The following DOCK5 variants were observed in gnomAD, a reference collection of about 807,000 sequenced individuals.
DOCK5 encodes the protein dedicator of cytokinesis 5, also known as dedicator of cytokinesis protein 5.
Under a neutral mutation model 251.8 loss-of-function variants are expected in DOCK5, and 142 were observed. That is an observed-to-expected ratio of 0.56 (90% CI 0.49 to 0.65). The LOEUF (loss-of-function observed/expected upper bound fraction) is 0.65, where lower values mean the gene tolerates loss of function less well. DOCK5 is among the 30% of genes least tolerant of loss of function. The pLI is 0.00. For missense variants in DOCK5, 2,111 were observed against 2,312.3 expected (o/e 0.91, Z 1.79); for synonymous variants, 842 against 835.5 (o/e 1.01, Z -0.13).
intron 17 of DOCK5, 33 bp downstream of exon 17, chr8:25,323,984 C>T: frequency 1.3e-6 from 2 of 1,557,304 alleles, no homozygotes; most frequent in Non-Finnish European, 1.7e-6. Context: ...GAGAAAAATA[C>T]TCCCTTTCAA....
intron 28 of DOCK5, among the ~76,000 whole-genome samples, chr8:25,359,732 C>T (rs1052806737): frequency 3.3e-5 from 5 of 152,218 alleles, no homozygotes; most frequent in Non-Finnish European, 5.9e-5. Flanking sequence ...CCATTCCTGC[C>T]CCCATCCGTG....
chr8:25,380,794 T>C (rs1167339806), intron 39 of DOCK5, among the ~76,000 whole-genome samples: 5 of 152,138 alleles, frequency 3.3e-5, no homozygotes, highest in African/African-American at 1.2e-4. Context: ...GAGTGCCCAG[T>C]GTTAGGCAGC....
At chr8:25,214,212 T>G (rs1172186107) in intron 1 of DOCK5, among the ~76,000 whole-genome samples, 2 of 152,158 alleles carry the variant, frequency 1.3e-5, no homozygotes, top group African/African-American at 4.8e-5. Context: ...GCTCAGCCCT[T>G]AGCAGGTTCT....
chr8:25,408,591 C>G (rs947637606), intron 49 of DOCK5, among the ~76,000 whole-genome samples: 1 of 152,150 alleles, frequency 6.6e-6, no homozygotes, highest in Non-Finnish European at 1.5e-5. Context: ...TCAGAAGAAT[C>G]AAGTCTGTGG....
intron 1 of DOCK5, among the ~76,000 whole-genome samples, chr8:25,221,670 CCATCATCAT>C (rs749679641): frequency 3.3e-5 from 5 of 151,918 alleles, no homozygotes; most frequent in Non-Finnish European, 7.4e-5. Flanking sequence ...CATCACCATC[CCATCATCAT>C]CATCATCATC....
chr8:25,285,548 T>C (rs1804310122), intron 5 of DOCK5, among the ~76,000 whole-genome samples: 1 of 152,158 alleles, frequency 6.6e-6, no homozygotes, highest in Admixed American at 6.5e-5. Flanking sequence ...TCTATAGTTC[T>C]GGAAAAATCA....
chr8:25,393,640 C>A (rs1801298360), intron 44 of DOCK5, among the ~76,000 whole-genome samples: 2 of 152,184 alleles, frequency 1.3e-5, no homozygotes, highest in South Asian at 4.1e-4. Flanking sequence ...AATTTCTGCA[C>A]CTAACTAACT....
intron 1 of DOCK5, among the ~76,000 whole-genome samples, chr8:25,204,741 G>A (rs1051558516): frequency 1.3e-5 from 2 of 152,156 alleles, no homozygotes; most frequent in Admixed American, 1.3e-4. Context: ...GACTGGCTAA[G>A]TCATACGTTA....
chr8:25,389,785 C>T (rs1307331081), intron 41 of DOCK5, among the ~76,000 whole-genome samples: 4 of 152,164 alleles, frequency 2.6e-5, no homozygotes, highest in Admixed American at 2.6e-4. Context: ...ATACCTAGCA[C>T]AGTGCCCAAC....
chr8:25,354,734 A>C (rs186750018), intron 27 of DOCK5, among the ~76,000 whole-genome samples: 67 of 152,374 alleles, frequency 4.4e-4, no homozygotes, highest in Admixed American at 8.5e-4. Context: ...TTTATTCCAG[A>C]TATTCAAGAA....
At chr8:25,333,123 G>A (rs368589182) in intron 20 of DOCK5, among the ~76,000 whole-genome samples, 3 of 152,140 alleles carry the variant, frequency 2.0e-5, no homozygotes, top group Non-Finnish European at 2.9e-5. Context: ...TGAATTTGTC[G>A]CACAAAGCAC....
At chr8:25,246,431 GC>G (rs1330760557) in intron 2 of DOCK5, among the ~76,000 whole-genome samples, 1 of 152,078 alleles carries the variant, frequency 6.6e-6, no homozygotes, top group Non-Finnish European at 1.5e-5. Context: ...CCGCCGCCAT[GC>G]CTGGCTAATT....
Position 25,345,563 on chromosome 8 carries a change from C to T in DOCK5, c.2706C>T (p.Ser902=). 6.2e-7 allele frequency: 1 copy of T among 1,613,928 alleles called. No individual in the cohort carries two copies. Residue 902 remains serine, a synonymous_variant, in exon 26 of 52, where the codon AGC becomes AGT. Transcript: ENST00000276440. ...DNSNKPDHEA[S]SQLLSNILEV... ...CCAACAAGCCTGACCACGAGGCAAGCTCGCAGCTTCTGAGCAACATCCTGG... is the reference window on the plus strand; with the variant it reads ...CCAACAAGCCTGACCACGAGGCAAGTTCGCAGCTTCTGAGCAACATCCTGG...
At chr8:25,369,508 C>T (rs750120817) in intron 33 of DOCK5, 48 bp from the exon 34 acceptor site, 2 of 1,543,046 alleles carry the variant, frequency 1.3e-6, no homozygotes, top group African/African-American at 1.4e-5. Context: ...GCCATGTCTT[C>T]TTCTAAGGAT....
chr8:25,297,278 T>C (rs1804642622), intron 7 of DOCK5, among the ~76,000 whole-genome samples: 1 of 149,730 alleles, frequency 6.7e-6, no homozygotes, highest in Non-Finnish European at 1.5e-5. Context: ...TAATTTTTTT[T>C]TTTTTTTAGA....
chr8:25,382,546 A>C (rs1225870574), intron 39 of DOCK5, 128 bp from the exon 40 acceptor site: 4 of 721,404 alleles, frequency 5.5e-6, no homozygotes, highest in Non-Finnish European at 9.4e-6. Flanking sequence ...TTCTGCCCAT[A>C]GGGTGTTTTC....
intron 14 of DOCK5, 54 bp downstream of exon 14, chr8:25,317,185 C>G: frequency 6.3e-7 from 1 of 1,589,596 alleles, no homozygotes; most frequent in Non-Finnish European, 8.6e-7. Context: ...TTTACAATCA[C>G]GATAGAATCT....
intron 37 of DOCK5, chr8:25,375,790 G>T: frequency 1.0e-6 from 1 of 985,282 alleles, no homozygotes; most frequent in Non-Finnish European, 1.2e-6. Context: ...TTAAGTTTAG[G>T]GCATTAAAAA....
intron 5 of DOCK5, among the ~76,000 whole-genome samples, chr8:25,281,181 C>T (rs914452830): frequency 6.6e-6 from 1 of 151,878 alleles, no homozygotes; most frequent in African/African-American, 2.4e-5. Context: ...AATCCCAGCA[C>T]TTTGGGAGGC....
Sources: allele counts gnomAD v4.1 joint callset (sites outside exome capture counted in the v4.1 genomes callset), GRCh38; gene constraint gnomAD v4.1.1; transcripts MANE v1.5; gene names NCBI Gene and HGNC (gene_info 2026-07-23, HGNC 2026-07-21).